The following LPGAT1 variants were observed in gnomAD, a reference collection of about 807,000 sequenced individuals.
LPGAT1 encodes acyl-CoA:lysophosphatidylglycerol acyltransferase 1.
A neutral mutation model predicts 47.5 loss-of-function variants in LPGAT1; 11 were observed. The observed-to-expected ratio is 0.23, with a 90% CI of 0.15 to 0.38. The LOEUF is 0.38. Ranked by LOEUF, LPGAT1 falls within the 10% of genes least tolerant of loss-of-function variation. The pLI is 1.00. For missense variants in LPGAT1, 293 were observed against 439.0 expected, an observed-to-expected ratio of 0.67 and a Z score of 2.97; for synonymous variants, 138 against 144.2, an observed-to-expected ratio of 0.96 and a Z score of 0.31.
intron 2 of LPGAT1, among the ~76,000 whole-genome samples, chr1:211,805,115 G>GA (rs34306984): frequency 0.36 from 53,144 of 147,174 alleles, 10,587 homozygotes; most frequent in Non-Finnish European, 0.46. Context: ...TCAATGAAAT[G>GA]AAAAAAAAAA....
At chr1:211,774,025 T>C (rs529583033) in intron 6 of LPGAT1, among the ~76,000 whole-genome samples, 32 of 152,112 alleles carry the variant, frequency 2.1e-4, no homozygotes, top group Admixed American at 5.9e-4. Flanking sequence ...ATACAATATA[T>C]GGAGAATGCT....
intron 6 of LPGAT1, among the ~76,000 whole-genome samples, chr1:211,763,799 G>T (rs1260124946): frequency 1.3e-5 from 2 of 152,048 alleles, no homozygotes; most frequent in African/African-American, 4.8e-5. Context: ...TCCTACTACG[G>T]CAGGTAAGAA....
At chr1:211,771,670 T>C (rs1571711578) in intron 6 of LPGAT1, among the ~76,000 whole-genome samples, 2 of 151,962 alleles carry the variant, frequency 1.3e-5, no homozygotes, top group Middle Eastern at 6.8e-3. Flanking sequence ...TACCAGCTAA[T>C]TTTTTGTAGT....
rs1254647819 is a variant in LPGAT1, at chr1:211,797,933, G to T, written c.239-4743C>A. ...TTCTTATTGAAAACCAAAGCTAAAG[G>T]TTATCATCTACTACATACACACAAC... On this transcript the variant is annotated intron_variant, in intron 2 of 7. Transcript: ENST00000366997. Among the ~76,000 whole-genome samples, 3 of 151,992 alleles carry T rather than the reference G, an allele frequency of 2.0e-5. No individual in the cohort carries two copies. The East Asian group carries it at 5.8e-4, about 29-fold the overall frequency.
intron 2 of LPGAT1, among the ~76,000 whole-genome samples, chr1:211,806,548 G>A (rs1428259022): frequency 1.3e-5 from 2 of 152,160 alleles, no homozygotes; most frequent in Non-Finnish European, 2.9e-5. Context: ...AAGGGGGAAA[G>A]GATGGAAAAG....
At chr1:211,829,683 C>T (rs1024912781) in intron 1 of LPGAT1, 1 of 1,048,168 alleles carries the variant, frequency 9.5e-7, no homozygotes, top group Non-Finnish European at 1.2e-6. Flanking sequence ...TCAGGATCTC[C>T]AAACTGAAGA....
chr1:211,778,864 T>C, intron 6 of LPGAT1, 54 bp downstream of exon 6: 1 of 1,357,334 alleles, frequency 7.4e-7, no homozygotes, highest in Non-Finnish European at 9.8e-7. Flanking sequence ...ACATTCATAC[T>C]ATTCTGAGGT....
At chr1:211,804,715 T>A (rs924349929) in intron 2 of LPGAT1, among the ~76,000 whole-genome samples, 2 of 152,178 alleles carry the variant, frequency 1.3e-5, no homozygotes, top group Admixed American at 1.3e-4. Flanking sequence ...ATTAGTTAGT[T>A]CTCTAATGTT....
chr1:211,768,637 C>G (rs747158675), intron 6 of LPGAT1, among the ~76,000 whole-genome samples: 30 of 152,212 alleles, frequency 2.0e-4, no homozygotes, highest in Non-Finnish European at 2.4e-4. Flanking sequence ...ACACATATCT[C>G]TATCGTGTGG....
At position 211,747,050 on chromosome 1, in the gene LPGAT1, T is replaced by C. The variant is rs1459772369; in HGVS notation, c.*2849A>G. The C allele has an allele frequency of 6.6e-6, 1 of 152,246 alleles. No individual in the cohort carries two copies. The highest frequency in any genetic ancestry group is 1.5e-5 in the Non-Finnish European group (1 of 68,042). 9.4% of individuals were successfully genotyped at this position (152,246 alleles called of 1,614,324 possible). On this transcript the variant is annotated 3_prime_UTR_variant, in exon 8 of 8. Coordinates refer to ENST00000366997, the MANE Select transcript of LPGAT1 (RefSeq NM_014873.3). The stretch of plus-strand genomic sequence containing the variant: ...CTATTGATATAAAACTGGCATAGTT[T>C]TATCTTCTTTCCTCTTGACAAAATA...
rs552151642 is a variant in LPGAT1, at chr1:211,829,476, A to G, written c.-27-153T>C. 86 of 1,438,164 alleles carry G rather than the reference A, an allele frequency of 6.0e-5. No individual in the cohort carries two copies. The African/African-American group carries it at 1.2e-3, about 20-fold the overall frequency. 89.1% of individuals were successfully genotyped at this position (1,438,164 alleles called of 1,614,324 possible). The stretch of plus-strand genomic sequence containing the variant: ...TCGGTGATCTCTCAGGGGAAATTCC[A>G]GAGGGGGACAGAGAGCGAGGGAGGA... On this transcript the variant is annotated intron_variant, in intron 1 of 7. Transcript: ENST00000366997.
At chr1:211,755,858 C>T (rs560324697) in intron 6 of LPGAT1, among the ~76,000 whole-genome samples, 15 of 152,310 alleles carry the variant, frequency 9.8e-5, no homozygotes, top group African/African-American at 1.4e-4. Context: ...CATTGCTCTA[C>T]AGCAGTAATA....
chr1:211,761,371 C>T (rs1177853965), intron 6 of LPGAT1, among the ~76,000 whole-genome samples: 1 of 152,062 alleles, frequency 6.6e-6, no homozygotes, highest in Non-Finnish European at 1.5e-5. Flanking sequence ...TAGCAATGGG[C>T]TCATAACCAA....
Position 211,829,290 on chromosome 1 carries a change from T to G in LPGAT1, c.7A>C (p.Ile3Leu). 1 of 1,614,200 alleles carries G rather than the reference T, an allele frequency of 6.2e-7. No individual in the cohort carries two copies. The highest frequency in any genetic ancestry group is 8.5e-7 in the Non-Finnish European group (1 of 1,180,038). The change falls in exon 2 of 8, where the codon ATA becomes CTA. Residue 3 changes from isoleucine (I) to leucine (L), a missense_variant. Physicochemically the swap from Ile to Leu is conservative, Grantham distance 5. Transcript: ENST00000366997. The part of the protein sequence containing the change: MA[I>L]TLEEAPWLGW... ...AGCCACGGAGCTTCTTCCAAAGTTA[T>G]AGCCATTCTCACACTGGACTCCGTC...
At chr1:211,819,011 G>A (rs1660272391) in intron 2 of LPGAT1, among the ~76,000 whole-genome samples, 1 of 152,148 alleles carries the variant, frequency 6.6e-6, no homozygotes, top group African/African-American at 2.4e-5. Flanking sequence ...ATCAACCAGT[G>A]TACAATAGGA....
At chr1:211,784,804 CTT>C (rs11393776) in intron 4 of LPGAT1, among the ~76,000 whole-genome samples, 23 of 133,274 alleles carry the variant, frequency 1.7e-4, no homozygotes, top group Non-Finnish European at 1.6e-4. Flanking sequence ...AAGGTTCTTT[CTT>C]TTTTTTTTTT....
chr1:211,768,024 T>C (rs1658013634), intron 6 of LPGAT1, among the ~76,000 whole-genome samples: 2 of 152,216 alleles, frequency 1.3e-5, no homozygotes, highest in African/African-American at 4.8e-5. Flanking sequence ...ATTTTTACTA[T>C]ATTAATTTTA....
Position 211,762,217 on chromosome 1 carries a change from A to G in LPGAT1, c.855-11150T>C, listed in dbSNP as rs573478106. ...AAATTGACATTAAAAATAAAGCTGA[A>G]TTAAAGCTGAATTAAACAGAAGAAC... On this transcript the variant is annotated intron_variant, in intron 6 of 7. Coordinates refer to ENST00000366997, the MANE Select transcript of LPGAT1 (RefSeq NM_014873.3). Among the ~76,000 whole-genome samples the G allele has an allele frequency of 2.8e-4, 36 of 128,494 alleles. No homozygotes were observed. The East Asian group carries it at 8.1e-3, about 29-fold the overall frequency. 84.3% of individuals were successfully genotyped at this position (128,494 alleles called of 152,430 possible).
chr1:211,810,280 T>C (rs1484335927), intron 2 of LPGAT1, among the ~76,000 whole-genome samples: 1 of 152,228 alleles, frequency 6.6e-6, no homozygotes, highest in East Asian at 1.9e-4. Context: ...CATAAAAGTA[T>C]ACTAGAATTC....
Sources: allele counts gnomAD v4.1 joint callset (sites outside exome capture counted in the v4.1 genomes callset), GRCh38; gene constraint gnomAD v4.1.1; transcripts MANE v1.5; gene names NCBI Gene and HGNC (gene_info 2026-07-23, HGNC 2026-07-21).